The following KIF13B variants were observed in gnomAD, a reference collection of about 807,000 sequenced individuals.
KIF13B encodes the protein kinesin-like protein KIF13B.
Under a neutral mutation model 222.0 loss-of-function variants are expected in KIF13B, and 127 were observed. The ratio of observed to expected loss-of-function variants is 0.57; its 90% confidence interval spans 0.50 to 0.66. The LOEUF (loss-of-function observed/expected upper bound fraction) is 0.66. Among genes scored for constraint, KIF13B ranks in the 30% least tolerant of loss-of-function variants. The pLI, the probability that KIF13B is intolerant of heterozygous loss-of-function variation, is 0.00. For missense variants in KIF13B, 2,173 were observed against 2,379.0 expected, an observed-to-expected ratio of 0.91 and a Z score of 1.80; for synonymous variants, 976 against 919.0, an observed-to-expected ratio of 1.06 and a Z score of -1.12.
At chr8:29,249,871 G>A (rs2954794) in intron 1 of KIF13B, 388,498 of 413,052 alleles carry the variant, frequency 0.94, 182,825 homozygotes, top group African/African-American at 0.99. Context: ...ATGGTCAACT[G>A]GCATTAAAGT....
intron 9 of KIF13B, among the ~76,000 whole-genome samples, chr8:29,177,191 G>A (rs909085075): frequency 2.6e-5 from 4 of 151,190 alleles, no homozygotes; most frequent in Admixed American, 1.3e-4. Flanking sequence ...CCAGGGATGC[G>A]GCTAGACACT....
At chr8:29,130,090 C>T (rs1810280283) in intron 24 of KIF13B, among the ~76,000 whole-genome samples, 1 of 152,230 alleles carries the variant, frequency 6.6e-6, no homozygotes, top group African/African-American at 2.4e-5. Flanking sequence ...TTATGTCCTA[C>T]AAATCAATTC....
intron 2 of KIF13B, among the ~76,000 whole-genome samples, chr8:29,229,869 C>T (rs906930560): frequency 1.3e-5 from 2 of 152,160 alleles, no homozygotes; most frequent in Admixed American, 1.3e-4. Flanking sequence ...TTATTAGAAA[C>T]CTGGTATTAT....
intron 1 of KIF13B, among the ~76,000 whole-genome samples, chr8:29,257,544 C>T (rs1309677934): frequency 2.0e-5 from 3 of 152,112 alleles, no homozygotes; most frequent in Non-Finnish European, 4.4e-5. Flanking sequence ...AGGGTAAAAG[C>T]TAATGCCAAT....
chr8:29,259,215 C>T (rs1430214867), intron 1 of KIF13B, among the ~76,000 whole-genome samples: 1 of 152,094 alleles, frequency 6.6e-6, no homozygotes, highest in African/African-American at 2.4e-5. Flanking sequence ...ATTACCAAGG[C>T]ACTGACTCTA....
At position 29,099,238 on chromosome 8, in the gene KIF13B, G is replaced by A. The variant is rs368179606; in HGVS notation, c.4219C>T (p.Arg1407Trp). The A allele has an allele frequency of 9.3e-6, 15 of 1,606,632 alleles. No individual in the cohort carries two copies. The highest frequency in any genetic ancestry group is 1.3e-5 in the African/African-American group (1 of 74,500). ...PSYSLGSNKGRWESQQDVSQT... is the reference protein window; with the variant it reads ...PSYSLGSNKGWWESQQDVSQT... Reference sequence around the variant, plus strand: ...GATACATCCTGCTGACTTTCCCACCGGCCCTAGTAAAGACAAAATTGGCAA... The same window carrying A: ...GATACATCCTGCTGACTTTCCCACCAGCCCTAGTAAAGACAAAATTGGCAA... Residue 1407 changes from arginine to tryptophan, a missense_variant, in exon 36 of 40, where the codon CGG becomes TGG. Physicochemically the swap from Arg to Trp is moderately radical, Grantham distance 101 (BLOSUM62 -3). This residue lies in a region of KIF13B where 693 missense variants were observed against 656.2 expected (regional missense o/e 1.06). Coordinates refer to ENST00000524189, the MANE Select transcript of KIF13B (RefSeq NM_015254.4).
At chr8:29,102,818 C>T (rs1306438583) in intron 35 of KIF13B, among the ~76,000 whole-genome samples, 1 of 152,222 alleles carries the variant, frequency 6.6e-6, no homozygotes. Context: ...TTCAATTCTG[C>T]TAACTGGGTA....
rs576431747 is a variant in KIF13B at position 29,255,660 on chromosome 8, T to A, written c.55+7320A>T. Among the ~76,000 whole-genome samples, 3 of 152,216 alleles carry A rather than the reference T, an allele frequency of 2.0e-5. No homozygotes were observed. The South Asian group carries it at 6.2e-4, about 32-fold the overall frequency. ...TTTCTCAGAGGAATGTTCTTGAGAC[T>A]CGCTGCCTCCATACTGGCACGCCCA... On this transcript the variant is annotated intron_variant, in intron 1 of 39. Coordinates refer to ENST00000524189, the MANE Select transcript of KIF13B (RefSeq NM_015254.4).
At chr8:29,074,041 A>G (rs1260607496) in intron 38 of KIF13B, among the ~76,000 whole-genome samples, 1 of 149,382 alleles carries the variant, frequency 6.7e-6, no homozygotes, top group Non-Finnish European at 1.5e-5. Context: ...GAATACGCAA[A>G]ACTATGAGAG....
chr8:29,180,139 T>C lies in KIF13B; in HGVS notation c.685A>G (p.Thr229Ala), dbSNP rs576265435. 2.9e-4 allele frequency: 476 copies of C among 1,613,934 alleles called. 10 individuals are homozygous for C. In the South Asian group the frequency reaches 5.1e-3, roughly 17 times the overall value. Residue 229 changes from threonine to alanine, a missense_variant, in exon 8 of 40, where the codon ACC becomes GCC. This residue lies in a region of KIF13B where 1,480 missense variants were observed against 1,722.8 expected (regional missense o/e 0.86). Transcript: ENST00000524189. ...SSRSHAVFKITLTHTLYDVKS... is the reference protein window; with the variant it reads ...SSRSHAVFKIALTHTLYDVKS... The stretch of plus-strand genomic sequence containing the variant: ...ACATCGTAGAGAGTATGTGTGAGGG[T>C]GATTTTGAAAACTGCATGGGATCGG...
In KIF13B at chr8:29,092,650, A is replaced by G. The variant is rs1045763246; in HGVS notation, c.4458+95T>C. On this transcript the variant is annotated intron_variant, in intron 37 of 39. Coordinates refer to ENST00000524189, the MANE Select transcript of KIF13B (RefSeq NM_015254.4). ...GGTTTAAAAACCCAGTTTAGCCCCA[A>G]CCCAGAGGCCGCACCTCCACCTCCA... 7 of 1,372,886 alleles carry G rather than the reference A, an allele frequency of 5.1e-6. No individual in the cohort carries two copies. In the South Asian group the frequency reaches 9.1e-5, roughly 18 times the overall value. 85.0% of individuals were successfully genotyped at this position (1,372,886 alleles called of 1,614,324 possible).
intron 2 of KIF13B, among the ~76,000 whole-genome samples, chr8:29,221,095 TTC>T (rs1226616860): frequency 2.4e-5 from 2 of 84,760 alleles, no homozygotes; most frequent in African/African-American, 9.2e-5. Flanking sequence ...GTGAGCTGTG[TTC>T]TTTTTTTTTT....
chr8:29,109,095 C>A (rs1485116603), intron 34 of KIF13B, among the ~76,000 whole-genome samples: 5 of 152,200 alleles, frequency 3.3e-5, no homozygotes, highest in Admixed American at 3.3e-4. Context: ...TAAAAATAAT[C>A]TAAGCCCAGA....
In KIF13B at chr8:29,068,700, A is replaced by C. The variant is rs1807113398; in HGVS notation, c.*1804T>G. On this transcript the variant is annotated 3_prime_UTR_variant, in exon 40 of 40. Transcript: ENST00000524189. This position sits in a 1 kb window ranked among gnomAD's most constrained non-coding sequence, Gnocchi z 4.4. Reference sequence around the variant, plus strand: ...CCCAGGCGTTTCCCCTCAGGGCAGCAGCAGTGCTGGCCTCTCACCCAGGCC... The same window carrying C: ...CCCAGGCGTTTCCCCTCAGGGCAGCCGCAGTGCTGGCCTCTCACCCAGGCC... The C allele has an allele frequency of 6.6e-6, 1 of 152,350 alleles. No homozygotes were observed. Among genetic ancestry groups the C allele is most frequent in the African/African-American group, 2.4e-5 (1 of 41,466 alleles). The allele number at this position is 152,350 out of a possible 1,614,324, so 9.4% of individuals were successfully genotyped here.
At chr8:29,250,230 G>T (rs1033791479) in intron 1 of KIF13B, 1 of 350,180 alleles carries the variant, frequency 2.9e-6, no homozygotes, top group Non-Finnish European at 5.6e-6. Flanking sequence ...AATACATCTA[G>T]AACGCAGGCC....
Position 29,140,651 on chromosome 8 carries a change from A to G in KIF13B, c.2335-34T>C, listed in dbSNP as rs558656043. 6.9e-6 allele frequency: 11 copies of G among 1,590,476 alleles called. No homozygotes were observed. The South Asian group carries it at 1.0e-4, about 15-fold the overall frequency. ...AGATTGAGAACACACAACTTCAGAA[A>G]AACCATTTACAATAAATGCATTCAA... On this transcript the variant is annotated intron_variant, in intron 19 of 39. Coordinates refer to ENST00000524189, the MANE Select transcript of KIF13B (RefSeq NM_015254.4).
intron 2 of KIF13B, among the ~76,000 whole-genome samples, chr8:29,206,627 C>G (rs1296601976): frequency 6.6e-6 from 1 of 152,146 alleles, no homozygotes; most frequent in African/African-American, 2.4e-5. Context: ...CTCCCTTTTT[C>G]CTTCTGATAG....
intron 3 of KIF13B, among the ~76,000 whole-genome samples, chr8:29,192,207 C>T (rs1813221056): frequency 6.6e-6 from 1 of 152,138 alleles, no homozygotes; most frequent in South Asian, 2.1e-4. Context: ...TGACTGTAAG[C>T]TTTCACTCAC....
At chr8:29,214,917 T>C (rs1449601163) in intron 2 of KIF13B, among the ~76,000 whole-genome samples, 1 of 152,124 alleles carries the variant, frequency 6.6e-6, no homozygotes, top group African/African-American at 2.4e-5. Flanking sequence ...TAAAATATCA[T>C]TATGGGGCGC....
Sources: gnomAD v4.1 joint callset for allele counts (sites outside exome capture counted in the v4.1 genomes callset) on GRCh38, gnomAD v4.1.1 for gene constraint, gnomAD v4.1.1 regional missense constraint, Gnocchi (gnomAD v3.1) non-coding constraint, MANE v1.5 for transcripts, NCBI Gene and HGNC (gene_info 2026-07-23, HGNC 2026-07-21) for gene names.